CDC42BPA: variants seen among roughly 807,000 people sequenced by gnomAD.
The protein encoded by CDC42BPA is serine/threonine-protein kinase MRCK alpha.
In CDC42BPA, 80 loss-of-function variants were observed where a neutral mutation model predicts 223.5. That is an observed-to-expected ratio of 0.36 (90% CI 0.30 to 0.43). The LOEUF (loss-of-function observed/expected upper bound fraction) is 0.43, where lower values mean the gene tolerates loss of function less well. Ranked by LOEUF, CDC42BPA falls within the 20% of genes least tolerant of loss-of-function variation. The pLI is 1.00. For synonymous variants in CDC42BPA, 694 were observed against 718.6 expected (o/e 0.97, Z 0.55); for missense variants, 1,743 against 2,099.9 (o/e 0.83, Z 3.32).
intron 35 of CDC42BPA, among the ~76,000 whole-genome samples, chr1:226,997,112 T>C (rs1661774999): frequency 6.6e-6 from 1 of 152,244 alleles, no homozygotes; most frequent in African/African-American, 2.4e-5. Context: ...GGTAGGCTAT[T>C]AATTACTGCC....
intron 25 of CDC42BPA, 72 bp downstream of exon 25, chr1:227,035,399 C>A: frequency 1.7e-6 from 2 of 1,176,852 alleles, no homozygotes; most frequent in Non-Finnish European, 1.2e-6. Flanking sequence ...TCCTCTTAAA[C>A]TAACTGGATT....
chr1:227,030,535 G>C, intron 28 of CDC42BPA, 65 bp from the exon 29 acceptor site: 2 of 944,880 alleles, frequency 2.1e-6, no homozygotes, highest in South Asian at 3.1e-5. Flanking sequence ...TAATAAACCA[G>C]ATGATAAGAA....
At chr1:227,270,147 T>A (rs1272343404) in intron 1 of CDC42BPA, among the ~76,000 whole-genome samples, 1 of 152,128 alleles carries the variant, frequency 6.6e-6, no homozygotes, top group Admixed American at 6.5e-5. Flanking sequence ...CATGAATTAA[T>A]AGAAACATCT....
intron 6 of CDC42BPA, among the ~76,000 whole-genome samples, chr1:227,148,621 G>T (rs1661111180): frequency 6.6e-6 from 1 of 151,470 alleles, no homozygotes; most frequent in Non-Finnish European, 1.5e-5. Flanking sequence ...AAAAAAATTA[G>T]CCAGGCATGG....
intron 1 of CDC42BPA, among the ~76,000 whole-genome samples, chr1:227,268,754 C>G (rs1464820031): frequency 6.6e-6 from 1 of 151,018 alleles, no homozygotes; most frequent in Non-Finnish European, 1.5e-5. Context: ...GGCGTGATCC[C>G]GGTTCACTGC....
intron 2 of CDC42BPA, among the ~76,000 whole-genome samples, chr1:227,245,282 ATCTTTTTTTTTT>A (rs1558857260): frequency 1.5e-5 from 2 of 129,394 alleles, no homozygotes; most frequent in African/African-American, 2.7e-5. Flanking sequence ...TTTGTCTTGC[ATCTTTTTTTTTT>A]TTTTTTTTTT....
chr1:227,193,341 T>C (rs1670082003), intron 5 of CDC42BPA, among the ~76,000 whole-genome samples: 1 of 152,096 alleles, frequency 6.6e-6, no homozygotes, highest in Non-Finnish European at 1.5e-5. Context: ...ATTACAAGCG[T>C]GAGCAACCGT....
At chr1:227,040,602 T>C (rs1335907379) in intron 23 of CDC42BPA, among the ~76,000 whole-genome samples, 5 of 152,226 alleles carry the variant, frequency 3.3e-5, no homozygotes, top group African/African-American at 1.2e-4. Flanking sequence ...TTTATACTGA[T>C]ACAAATATAG....
Position 227,129,666 on chromosome 1 carries a change from C to CAAAAAAA in CDC42BPA, c.1391-442_1391-436dup, listed in dbSNP as rs569879499. On this transcript the variant is annotated intron_variant, in intron 10 of 36. Transcript: ENST00000366766. ...TGGGAGACAAAGTGAGACTGTATCTCAAAAAAAAAAAAAAAAAAAAAAAAA... is the reference window on the plus strand; with the variant it reads ...TGGGAGACAAAGTGAGACTGTATCTCAAAAAAAAAAAAAAAAAAAAAAAAAAAAAAAA... Among the ~76,000 whole-genome samples the CAAAAAAA allele has an allele frequency of 5.9e-4, 20 of 33,918 alleles. 2 individuals carry two copies. The highest frequency in any genetic ancestry group is 2.5e-3 in the African/African-American group (18 of 7,250). The allele number at this position is 33,918 out of a possible 152,430, so 22.3% of individuals were successfully genotyped here.
At chr1:227,094,197 T>C (rs935834329) in intron 15 of CDC42BPA, among the ~76,000 whole-genome samples, 2 of 152,186 alleles carry the variant, frequency 1.3e-5, no homozygotes, top group Non-Finnish European at 2.9e-5. Flanking sequence ...AATAAACTTT[T>C]TTTATCTGAG....
At chr1:227,197,227 A>G (rs1384091931) in intron 4 of CDC42BPA, among the ~76,000 whole-genome samples, 2 of 152,108 alleles carry the variant, frequency 1.3e-5, no homozygotes, top group African/African-American at 4.8e-5. Context: ...ATATAATAAA[A>G]TTTCCTTTTT....
At chr1:227,053,111 C>T (rs746620873) in intron 21 of CDC42BPA, among the ~76,000 whole-genome samples, 26 of 152,158 alleles carry the variant, frequency 1.7e-4, no homozygotes, top group Non-Finnish European at 3.1e-4. Context: ...TCTAAGGGCA[C>T]AAATTGTTTT....
At chr1:227,306,344 GCA>G (rs1692546965) in intron 1 of CDC42BPA, among the ~76,000 whole-genome samples, 1 of 152,146 alleles carries the variant, frequency 6.6e-6, no homozygotes, top group African/African-American at 2.4e-5. Context: ...TGAGCCAGAT[GCA>G]CACAGAGGTT....
chr1:227,194,618 T>A (rs1434870682), intron 4 of CDC42BPA, among the ~76,000 whole-genome samples: 1 of 152,200 alleles, frequency 6.6e-6, no homozygotes, highest in Non-Finnish European at 1.5e-5. Flanking sequence ...TACATCAAAC[T>A]GTTCACTGAG....
At chr1:227,311,877 T>C (rs1482077206) in intron 1 of CDC42BPA, among the ~76,000 whole-genome samples, 2 of 149,768 alleles carry the variant, frequency 1.3e-5, no homozygotes, top group African/African-American at 2.5e-5. Flanking sequence ...TCCAAGTCTG[T>C]ATCTTGCCCA....
chr1:227,034,577 A>C (rs770354627), intron 26 of CDC42BPA, 78 bp downstream of exon 26: 69 of 1,336,338 alleles, frequency 5.2e-5, no homozygotes, highest in Non-Finnish European at 7.0e-5. Context: ...AAACCATGGC[A>C]ACACAATTTT....
intron 2 of CDC42BPA, among the ~76,000 whole-genome samples, chr1:227,238,304 G>C (rs780330676): frequency 6.6e-6 from 1 of 151,672 alleles, no homozygotes; most frequent in Non-Finnish European, 1.5e-5. Flanking sequence ...GCTACAGTGA[G>C]CTATGATGGC....
rs150372279 is a variant in CDC42BPA, at chr1:227,066,412, CA to C, written c.2904+3364del. On this transcript the variant is annotated intron_variant, in intron 21 of 36. Transcript: ENST00000366766. ...TCAAAAAAAAAAACAAAAACAAAAA[CA>C]AAAAAAGAATCCAAGTTCCTAGCAG... Among the ~76,000 whole-genome samples, 3 of 151,068 alleles carry C rather than the reference CA, an allele frequency of 2.0e-5. No homozygotes were observed. The East Asian group carries it at 5.8e-4, about 29-fold the overall frequency.
chr1:227,168,560 A>T (rs1314693618), intron 5 of CDC42BPA, among the ~76,000 whole-genome samples: 1 of 127,710 alleles, frequency 7.8e-6, no homozygotes, highest in Non-Finnish European at 1.6e-5. Context: ...CAATGGTGCG[A>T]TCTCCGCTCG....
Sources: allele counts gnomAD v4.1 joint callset (sites outside exome capture counted in the v4.1 genomes callset), GRCh38; gene constraint gnomAD v4.1.1; transcripts MANE v1.5; gene names NCBI Gene and HGNC (gene_info 2026-07-23, HGNC 2026-07-21).